Variants in PCDHA3 observed in about 807,000 individuals in gnomAD.
PCDHA3 encodes the protein protocadherin alpha-3.
Under a neutral mutation model 62.2 loss-of-function variants are expected in PCDHA3, and 41 were observed. The observed-to-expected ratio is 0.66, with a 90% CI of 0.51 to 0.86. The LOEUF (loss-of-function observed/expected upper bound fraction) is 0.86. Ranked by LOEUF, PCDHA3 falls within the 40% of genes least tolerant of loss-of-function variation. PCDHA3 has a pLI of 0.00. For synonymous variants in PCDHA3, 640 were observed against 555.4 expected, an observed-to-expected ratio of 1.15 and a Z score of -2.14; for missense variants, 1,304 against 1,241.2, an observed-to-expected ratio of 1.05 and a Z score of -0.76.
intron 1 of PCDHA3, chr5:140,928,068 C>G: frequency 1.2e-6 from 2 of 1,614,214 alleles, no homozygotes; most frequent in South Asian, 2.2e-5. Context: ...CTTCCTTTGA[C>G]AACTACTACA....
chr5:140,870,775 A>G (rs782661485), intron 1 of PCDHA3: 3 of 1,613,592 alleles, frequency 1.9e-6, no homozygotes, highest in Non-Finnish European at 1.7e-6. Context: ...GCTGGACGAG[A>G]ACGACAACGC....
intron 1 of PCDHA3, chr5:140,835,704 G>A (rs2150242538): frequency 3.1e-6 from 5 of 1,613,772 alleles, no homozygotes; most frequent in Admixed American, 3.3e-5. Context: ...CACTGCTAGC[G>A]TGTCCGTGGA....
chr5:140,837,199 TTAGTC>T (rs1774954755), intron 1 of PCDHA3: 1 of 152,580 alleles, frequency 6.6e-6, no homozygotes, highest in Non-Finnish European at 1.5e-5. Flanking sequence ...CTTTTTATCT[TTAGTC>T]TAGAACTTGA....
chr5:140,833,567 T>C (rs912727742), intron 1 of PCDHA3, among the ~76,000 whole-genome samples: 2 of 152,176 alleles, frequency 1.3e-5, no homozygotes, highest in Non-Finnish European at 2.9e-5. Flanking sequence ...AAATATAAAA[T>C]GATGAACTCC....
Position 140,927,187 on chromosome 5 carries a change from C to G in PCDHA3, c.2395-51762C>G, listed in dbSNP as rs558671063. 141 of 1,614,164 alleles carry G rather than the reference C, an allele frequency of 8.7e-5. 1 individual carries two copies. The South Asian group carries it at 1.5e-3, about 17-fold the overall frequency. The stretch of plus-strand genomic sequence containing the variant: ...AGCTGCCTGCGTCTTGACCTACGAC[C>G]TGGTGCTCGAGGACCCGCTGGAGCT... On this transcript the variant is annotated intron_variant, in intron 1 of 3. Transcript: ENST00000522353.
rs1554174531 is a variant in PCDHA3 at position 140,882,554 on chromosome 5, T to G, written c.2394+78963T>G. On this transcript the variant is annotated intron_variant, in intron 1 of 3. Transcript: ENST00000522353. ...TTCTCGGATCGACCGCGAGGAGCTG[T>G]GTGGGCGGAGCGCGGAGTGCAGCAT... is the stretch of plus-strand genomic sequence containing the variant. 1.9e-6 allele frequency: 3 copies of G among 1,614,174 alleles called. No homozygotes were observed. The South Asian group carries it at 3.3e-5, about 18-fold the overall frequency.
At chr5:140,967,025 C>G (rs2153750258) in intron 1 of PCDHA3, 1 of 1,608,362 alleles carries the variant, frequency 6.2e-7, no homozygotes, top group Middle Eastern at 1.7e-4. Flanking sequence ...TGCGCCCAGT[C>G]CGCGCTACCT....
At chr5:140,955,552 C>T (rs1554221978) in intron 1 of PCDHA3, among the ~76,000 whole-genome samples, 2 of 152,092 alleles carry the variant, frequency 1.3e-5, no homozygotes, top group African/African-American at 4.8e-5. Flanking sequence ...TTGAGGCCTC[C>T]CCAGCCATAC....
At chr5:140,887,524 G>A (rs2061480235) in intron 1 of PCDHA3, among the ~76,000 whole-genome samples, 2 of 152,090 alleles carry the variant, frequency 1.3e-5, no homozygotes, top group African/African-American at 4.8e-5. Flanking sequence ...TTATATATGA[G>A]TCTTCCTCTC....
intron 3 of PCDHA3, among the ~76,000 whole-genome samples, chr5:140,991,888 A>T (rs1374098533): frequency 6.6e-6 from 1 of 152,178 alleles, no homozygotes; most frequent in African/African-American, 2.4e-5. Context: ...TGCCATAACA[A>T]ATTAACACAA....
At chr5:140,992,186 A>G (rs1436291226) in intron 3 of PCDHA3, among the ~76,000 whole-genome samples, 1 of 152,166 alleles carries the variant, frequency 6.6e-6, no homozygotes, top group East Asian at 1.9e-4. Context: ...TCATGCTTTC[A>G]GTGATCTATC....
intron 1 of PCDHA3, chr5:140,928,265 A>T (rs1208273188): frequency 4.3e-6 from 7 of 1,614,188 alleles, no homozygotes; most frequent in Non-Finnish European, 4.2e-6. Flanking sequence ...GCTGAAAACA[A>T]TGGCCCTGGG....
chr5:140,829,817 G>T (rs1581889667), intron 1 of PCDHA3: 1 of 1,613,890 alleles, frequency 6.2e-7, no homozygotes, highest in Non-Finnish European at 8.5e-7. Context: ...TACTGGTGGT[G>T]CAGTGAGCGA....
chr5:140,819,833 A>G (rs1766634676), intron 1 of PCDHA3, among the ~76,000 whole-genome samples: 1 of 152,046 alleles, frequency 6.6e-6, no homozygotes, highest in South Asian at 2.1e-4. Flanking sequence ...GATATTGTTG[A>G]TGACTTTTTC....
At chr5:140,928,061 C>T (rs2084900711) in intron 1 of PCDHA3, 1 of 1,614,192 alleles carries the variant, frequency 6.2e-7, no homozygotes, top group African/African-American at 1.3e-5. Flanking sequence ...CTGACGGCTT[C>T]CTTTGACAAC....
intron 1 of PCDHA3, chr5:140,857,805 C>CG: frequency 6.3e-7 from 1 of 1,597,714 alleles, no homozygotes; most frequent in Non-Finnish European, 8.6e-7. Context: ...TCGGTGGTTG[C>CG]GGGTCACGTG....
At chr5:140,981,692 T>C (rs1168412872) in intron 2 of PCDHA3, among the ~76,000 whole-genome samples, 1 of 150,826 alleles carries the variant, frequency 6.6e-6, no homozygotes, top group Non-Finnish European at 1.5e-5. Flanking sequence ...CTTCCATCAT[T>C]CATTCATTCA....
chr5:140,802,122 G>T lies in PCDHA3; in HGVS notation c.925G>T (p.Asp309Tyr), dbSNP rs1554121877. 4 of 1,614,208 alleles carry T rather than the reference G, an allele frequency of 2.5e-6. No homozygotes were observed. The South Asian group carries it at 4.4e-5, about 18-fold the overall frequency. Residue 309 changes from aspartate to tyrosine, a missense_variant, in exon 1 of 4, where the codon GAT (aspartate) becomes TAT (tyrosine). Transcript: ENST00000522353. Reference sequence around the variant, plus strand: ...ACAAATCAGTGTAAAGGGTAACATAGATTTCGAGGAAAGTAAGTCATATGA... The same window carrying T: ...ACAAATCAGTGTAAAGGGTAACATATATTTCGAGGAAAGTAAGTCATATGA... ...NGQISVKGNI[D>Y]FEESKSYEIQ... is the part of the protein sequence containing the mutation.
At chr5:140,959,506 A>G (rs1554224114) in intron 1 of PCDHA3, among the ~76,000 whole-genome samples, 6 of 152,226 alleles carry the variant, frequency 3.9e-5, no homozygotes. Flanking sequence ...AAACTAAAAA[A>G]TTTTAAGATC....
Sources: gnomAD v4.1 joint callset for allele counts (sites outside exome capture counted in the v4.1 genomes callset) on GRCh38, gnomAD v4.1.1 for gene constraint, MANE v1.5 for transcripts, NCBI Gene and HGNC (gene_info 2026-07-23, HGNC 2026-07-21) for gene names.